PPM1H: variants seen among roughly 807,000 people sequenced by gnomAD.
PPM1H encodes the protein protein phosphatase, Mg2+/Mn2+ dependent 1H.
Under a neutral mutation model 54.9 loss-of-function variants are expected in PPM1H, and 27 were observed. That is an observed-to-expected ratio of 0.49 (90% CI 0.36 to 0.68). The LOEUF is 0.68. PPM1H is among the 30% of genes least tolerant of loss of function. The pLI is 0.00. For synonymous variants in PPM1H, 305 were observed against 270.8 expected (o/e 1.13, Z -1.24); for missense variants, 596 against 667.8 (o/e 0.89, Z 1.19).
chr12:62,888,971 A>T (rs1198933263), intron 1 of PPM1H, among the ~76,000 whole-genome samples: 1 of 152,176 alleles, frequency 6.6e-6, no homozygotes, highest in Non-Finnish European at 1.5e-5. Flanking sequence ...GACATAAAGG[A>T]GGGTTTGTGG....
chr12:62,814,895 T>C (rs964480270), intron 2 of PPM1H, among the ~76,000 whole-genome samples: 13 of 152,258 alleles, frequency 8.5e-5, no homozygotes, highest in African/African-American at 2.9e-4. Context: ...TATGTGATTA[T>C]ATGGTTTGAT....
At chr12:62,749,100 A>G (rs899436258) in intron 4 of PPM1H, among the ~76,000 whole-genome samples, 1 of 152,232 alleles carries the variant, frequency 6.6e-6, no homozygotes, top group Non-Finnish European at 1.5e-5. Flanking sequence ...AGCCACCCTT[A>G]CTACTTCTCT....
intron 1 of PPM1H, among the ~76,000 whole-genome samples, chr12:62,918,103 G>T (rs1871680363): frequency 6.6e-6 from 1 of 152,146 alleles, no homozygotes; most frequent in Non-Finnish European, 1.5e-5. Context: ...GCTGGGAAGG[G>T]CTAAGTCGAT....
intron 8 of PPM1H, among the ~76,000 whole-genome samples, chr12:62,679,454 G>C (rs1225790009): frequency 6.6e-6 from 1 of 152,178 alleles, no homozygotes; most frequent in Non-Finnish European, 1.5e-5. Flanking sequence ...TGTCAAATAT[G>C]AATGCTTTAG....
chr12:62,772,002 G>A (rs112961439), intron 4 of PPM1H, among the ~76,000 whole-genome samples: 1,967 of 152,220 alleles, frequency 0.013, 43 homozygotes, highest in African/African-American at 0.045. Context: ...ATTTACAGAC[G>A]AGGTAACTGG....
chr12:62,855,706 G>A (rs1390793606), intron 1 of PPM1H, among the ~76,000 whole-genome samples: 1 of 152,154 alleles, frequency 6.6e-6, no homozygotes, highest in Non-Finnish European at 1.5e-5. Context: ...CTGGGCCTGT[G>A]AATGAACTGT....
chr12:62,898,008 C>T (rs907094805), intron 1 of PPM1H, among the ~76,000 whole-genome samples: 1 of 152,136 alleles, frequency 6.6e-6, no homozygotes, highest in African/African-American at 2.4e-5. Context: ...CCTAAAGAAG[C>T]CAGGGTACCA....
intron 4 of PPM1H, among the ~76,000 whole-genome samples, chr12:62,759,706 G>A (rs184958508): frequency 6.7e-4 from 101 of 150,520 alleles, no homozygotes; most frequent in African/African-American, 2.4e-3. Flanking sequence ...CCTTCTCTCC[G>A]TGTCTCTACC....
At chr12:62,815,977 T>A (rs2076863762) in intron 2 of PPM1H, among the ~76,000 whole-genome samples, 1 of 152,220 alleles carries the variant, frequency 6.6e-6, no homozygotes, top group East Asian at 1.9e-4. Flanking sequence ...TATTACAGTT[T>A]CTGAGTTGAC....
chr12:62,920,373 C>T (rs916036949), intron 1 of PPM1H, among the ~76,000 whole-genome samples: 3 of 152,058 alleles, frequency 2.0e-5, no homozygotes, highest in Admixed American at 2.0e-4. Flanking sequence ...GTCACCCAAG[C>T]TGGAGTGTGG....
chr12:62,822,275 A>G (rs2076908321), intron 2 of PPM1H, among the ~76,000 whole-genome samples: 1 of 152,208 alleles, frequency 6.6e-6, no homozygotes, highest in African/African-American at 2.4e-5. Context: ...AGGGACCTAC[A>G]AAGAGACTTA....
At chr12:62,793,434 CA>C (rs1157354292) in intron 3 of PPM1H, among the ~76,000 whole-genome samples, 7 of 151,948 alleles carry the variant, frequency 4.6e-5, no homozygotes, top group African/African-American at 9.6e-5. Flanking sequence ...GCCGAGAAAG[CA>C]AACAGAGGGC....
chr12:62,871,870 TA>T (rs1045537028), intron 1 of PPM1H, among the ~76,000 whole-genome samples: 7 of 151,996 alleles, frequency 4.6e-5, no homozygotes, highest in Non-Finnish European at 1.5e-5. Context: ...ATATCTCAAT[TA>T]AAAACAAAAA....
At chr12:62,789,807 T>C (rs376743997) in intron 3 of PPM1H, among the ~76,000 whole-genome samples, 59 of 152,352 alleles carry the variant, frequency 3.9e-4, no homozygotes, top group East Asian at 1.7e-3. Context: ...CCCCAAGGAA[T>C]TGATATTAAA....
intron 1 of PPM1H, among the ~76,000 whole-genome samples, chr12:62,851,531 T>C (rs1008670645): frequency 3.3e-5 from 5 of 152,038 alleles, no homozygotes; most frequent in Non-Finnish European, 5.9e-5. Flanking sequence ...GGTGAAATCC[T>C]GTCTCTATCA....
chr12:62,932,627 G>GGTTTTTTTTT (rs1229452777), intron 1 of PPM1H, among the ~76,000 whole-genome samples: 1 of 22,540 alleles, frequency 4.4e-5, no homozygotes, highest in Non-Finnish European at 1.2e-4. Context: ...GTCCAAATGG[G>GGTTTTTTTTT]CTTTTTTTTT....
At chr12:62,669,801 T>C (rs2136615322) in intron 8 of PPM1H, among the ~76,000 whole-genome samples, 1 of 151,984 alleles carries the variant, frequency 6.6e-6, no homozygotes, top group East Asian at 2.0e-4. Context: ...ACCCTGGGCA[T>C]GGCAGTGCAT....
At chr12:62,762,693 G>A (rs1410222006) in intron 4 of PPM1H, among the ~76,000 whole-genome samples, 3 of 152,182 alleles carry the variant, frequency 2.0e-5, no homozygotes, top group Non-Finnish European at 4.4e-5. Context: ...CTGTGTGTAA[G>A]TTCCCCATAA....
In PPM1H at chr12:62,888,957, G is replaced by A. The variant is rs11174709; in HGVS notation, c.245+45535C>T. On this transcript the variant is annotated intron_variant, in intron 1 of 9. Transcript: ENST00000228705. Reference sequence around the variant, plus strand: ...CTAATGTGGAACTTCAAAAAGTTGCGTATGACATAAAGGAGGGTTTGTGGT... The same window carrying A: ...CTAATGTGGAACTTCAAAAAGTTGCATATGACATAAAGGAGGGTTTGTGGT... Among the ~76,000 whole-genome samples, 1,334 of 152,270 alleles carry A rather than the reference G, an allele frequency of 8.8e-3. 13 individuals are homozygous for A. Among genetic ancestry groups the A allele is most frequent in the South Asian group, 0.017 (84 of 4,824 alleles).
Sources: allele counts gnomAD v4.1 joint callset (sites outside exome capture counted in the v4.1 genomes callset), GRCh38; gene constraint gnomAD v4.1.1; transcripts MANE v1.5; gene names NCBI Gene and HGNC (gene_info 2026-07-23, HGNC 2026-07-21).